FYB1: variants seen among roughly 807,000 people sequenced by gnomAD.
FYB1 encodes the protein FYN binding protein 1.
FYB1 carries 41 observed loss-of-function variants against 94.1 expected under a neutral mutation model. The observed-to-expected ratio is 0.44, with a 90% CI of 0.34 to 0.57. The LOEUF is 0.57. Among genes scored for constraint, FYB1 ranks in the 20% least tolerant of loss-of-function variants. The probability of loss-of-function intolerance (pLI) is 0.02; values close to 1 mark genes in which losing one functional copy is unlikely to be tolerated. For missense variants in FYB1, 1,050 were observed against 976.8 expected (o/e 1.07, Z -1.00); for synonymous variants, 367 against 353.2 (o/e 1.04, Z -0.44).
chr5:39,232,295 C>G (rs1449318374), intron 1 of FYB1, among the ~76,000 whole-genome samples: 1 of 151,942 alleles, frequency 6.6e-6, no homozygotes, highest in Non-Finnish European at 1.5e-5. Flanking sequence ...CCCATATTAC[C>G]CAGAAATATA....
In FYB1 at chr5:39,202,657, C is replaced by G. The variant is rs774085503; in HGVS notation, c.304G>C (p.Asp102His). The stretch of plus-strand genomic sequence containing the variant: ...AGAAATCCCACTTTCGCCTCGGGGT[C>G]TCTGGTGGTCAAGCTGGCTGGTGTT... ...FGTPASLTTR[D>H]PEAKVGFLKP... Residue 102 changes from aspartate to histidine, a missense_variant, in exon 2 of 19, where the codon GAC becomes CAC. Transcript: ENST00000512982. The G allele has an allele frequency of 6.2e-7, 1 of 1,613,876 alleles. No homozygotes were observed. The highest frequency in any genetic ancestry group is 8.5e-7 in the Non-Finnish European group (1 of 1,179,878).
At chr5:39,120,000 G>A (rs1739942092) in intron 14 of FYB1, among the ~76,000 whole-genome samples, 1 of 151,980 alleles carries the variant, frequency 6.6e-6, no homozygotes, top group Non-Finnish European at 1.5e-5. Context: ...TATGTAGCTT[G>A]GCCAATGTCA....
At chr5:39,234,110 C>T (rs1424600166) in intron 1 of FYB1, among the ~76,000 whole-genome samples, 1 of 152,120 alleles carries the variant, frequency 6.6e-6, no homozygotes, top group Non-Finnish European at 1.5e-5. Flanking sequence ...GGTCTTTAAA[C>T]AGCATCTTCC....
intron 1 of FYB1, among the ~76,000 whole-genome samples, chr5:39,238,423 TC>T (rs1276619681): frequency 6.6e-6 from 1 of 151,866 alleles, no homozygotes; most frequent in Non-Finnish European, 1.5e-5. Context: ...GGGAAAAAAA[TC>T]CCCCAGTTAT....
intron 1 of FYB1, among the ~76,000 whole-genome samples, chr5:39,268,228 A>ATTTCTTTT (rs1223850284): frequency 6.6e-6 from 1 of 150,616 alleles, no homozygotes; most frequent in Non-Finnish European, 1.5e-5. Context: ...GTATATTTAT[A>ATTTCTTTT]TTTCTTTTTT....
chr5:39,110,084 G>T (rs1738916615), intron 17 of FYB1, among the ~76,000 whole-genome samples: 1 of 152,108 alleles, frequency 6.6e-6, no homozygotes, highest in African/African-American at 2.4e-5. Flanking sequence ...TTCAGTGTTT[G>T]CTGAGAGCCT....
chr5:39,241,830 C>CTT (rs34776914), intron 1 of FYB1, among the ~76,000 whole-genome samples: 4 of 147,722 alleles, frequency 2.7e-5, no homozygotes, highest in Admixed American at 1.3e-4. Flanking sequence ...AGTTTAAGCT[C>CTT]TTTTTTTTTT....
At chr5:39,247,123 T>C (rs1751517417) in intron 1 of FYB1, among the ~76,000 whole-genome samples, 1 of 139,240 alleles carries the variant, frequency 7.2e-6, no homozygotes, top group East Asian at 2.1e-4. Context: ...TATGACTATA[T>C]ACCATTTGTC....
intron 18 of FYB1, 69 bp downstream of exon 18, chr5:39,108,162 T>C (rs1196473902): frequency 7.2e-7 from 1 of 1,383,626 alleles, no homozygotes; most frequent in Non-Finnish European, 9.9e-7. Flanking sequence ...CAACAAGCTA[T>C]TTTTAGCATT....
At chr5:39,265,483 C>CAA (rs34295541) in intron 1 of FYB1, among the ~76,000 whole-genome samples, 1 of 114,186 alleles carries the variant, frequency 8.8e-6, no homozygotes, top group African/African-American at 3.7e-5. Flanking sequence ...GACTCTGTCT[C>CAA]AAAAAAAAAA....
At chr5:39,130,656 T>C in intron 9 of FYB1, 44 bp from the exon 10 acceptor site, 1 of 1,452,306 alleles carries the variant, frequency 6.9e-7, no homozygotes, top group Non-Finnish European at 9.5e-7. Context: ...TATGAATTAC[T>C]TAGCTATGAG....
At chr5:39,230,121 A>G (rs555320022) in intron 1 of FYB1, among the ~76,000 whole-genome samples, 189 of 152,298 alleles carry the variant, frequency 1.2e-3, no homozygotes, top group Non-Finnish European at 2.3e-3. Flanking sequence ...AACTGTGAAT[A>G]TGCTACCTTA....
intron 2 of FYB1, chr5:39,169,344 A>G (rs1687203811): frequency 2.6e-6 from 2 of 761,684 alleles, no homozygotes; most frequent in Admixed American, 3.4e-5. Context: ...AAAAATTCCC[A>G]GACGAATACT....
At chr5:39,216,878 T>C (rs1328396408) in intron 1 of FYB1, among the ~76,000 whole-genome samples, 2 of 152,216 alleles carry the variant, frequency 1.3e-5, no homozygotes, top group Non-Finnish European at 2.9e-5. Context: ...TGCAGCAACG[T>C]GATTAACAAG....
At chr5:39,190,768 T>TTG (rs3028815) in intron 2 of FYB1, among the ~76,000 whole-genome samples, 7,815 of 146,460 alleles carry the variant, frequency 0.053, 679 homozygotes, top group African/African-American at 0.18. Flanking sequence ...CCATGCTTAT[T>TTG]TGTGTGTGTG....
At chr5:39,254,724 G>T (rs1751861102) in intron 1 of FYB1, among the ~76,000 whole-genome samples, 1 of 152,116 alleles carries the variant, frequency 6.6e-6, no homozygotes, top group Non-Finnish European at 1.5e-5. Context: ...CAAAATAATT[G>T]GGAAGAAAAT....
rs891845246 is a variant in FYB1, at chr5:39,169,721, T to C, written c.1136-16117A>G. On this transcript the variant is annotated intron_variant, in intron 2 of 18. Transcript: ENST00000512982. ...TTAGCCGGGCCAGTCGAAGGTTAGA[T>C]AGTTCATGTGATTTGCCATCTTCAT... 21 of 470,238 alleles carry C rather than the reference T, an allele frequency of 4.5e-5. No homozygotes were observed. In the Admixed American group the frequency reaches 5.2e-4, roughly 12 times the overall value. 29.1% of individuals were successfully genotyped at this position (470,238 alleles called of 1,614,324 possible).
intron 1 of FYB1, among the ~76,000 whole-genome samples, chr5:39,217,646 A>G (rs558153894): frequency 6.6e-6 from 1 of 152,286 alleles, no homozygotes; most frequent in African/African-American, 2.4e-5. Flanking sequence ...CCCAAGGCCC[A>G]CAGCTGGTGC....
chr5:39,251,560 A>G (rs563742858), intron 1 of FYB1, among the ~76,000 whole-genome samples: 2 of 152,272 alleles, frequency 1.3e-5, no homozygotes, highest in African/African-American at 2.4e-5. Context: ...AAAAATCTCT[A>G]AAGAGCAAAG....
Sources: gnomAD v4.1 joint callset for allele counts (sites outside exome capture counted in the v4.1 genomes callset) on GRCh38, gnomAD v4.1.1 for gene constraint, MANE v1.5 for transcripts, NCBI Gene and HGNC (gene_info 2026-07-23, HGNC 2026-07-21) for gene names.